CORO2B: variants seen among roughly 807,000 people sequenced by gnomAD.
The protein encoded by CORO2B is coronin 2B, also known as coronin-2B.
In CORO2B, 26 loss-of-function variants were observed where a neutral mutation model predicts 58.8. The ratio of observed to expected loss-of-function variants is 0.44; its 90% CI spans 0.32 to 0.61. The LOEUF is 0.61. CORO2B is among the 20% of genes least tolerant of loss of function. The probability of loss-of-function intolerance (pLI) is 0.04; values close to 1 mark genes in which losing one functional copy is unlikely to be tolerated. For synonymous variants in CORO2B, 242 were observed against 253.8 expected, an observed-to-expected ratio of 0.95 and a Z score of 0.44; for missense variants, 460 against 645.1, an observed-to-expected ratio of 0.71 and a Z score of 3.11.
intron 2 of CORO2B, among the ~76,000 whole-genome samples, chr15:68,685,465 G>A (rs1028068082): frequency 6.6e-6 from 1 of 152,196 alleles, no homozygotes; most frequent in African/African-American, 2.4e-5. Context: ...GCCCACCTTG[G>A]CCTCCCAAAG....
intron 1 of CORO2B, among the ~76,000 whole-genome samples, chr15:68,607,602 G>A (rs1448992310): frequency 6.6e-6 from 1 of 152,112 alleles, no homozygotes; most frequent in Non-Finnish European, 1.5e-5. Flanking sequence ...AGGATCTCTT[G>A]AAGCCAGGAG....
chr15:68,651,092 C>T (rs534630739), intron 2 of CORO2B, among the ~76,000 whole-genome samples: 2 of 152,258 alleles, frequency 1.3e-5, no homozygotes, highest in East Asian at 3.9e-4. Flanking sequence ...TTACTGACTC[C>T]GTGGGAGGGT....
chr15:68,718,938 T>G (rs540880264), intron 9 of CORO2B, 128 bp downstream of exon 9: 2 of 903,710 alleles, frequency 2.2e-6, no homozygotes, highest in East Asian at 2.6e-5. Context: ...CAAACCTAAT[T>G]TGGGGTGAGG....
intron 1 of CORO2B, among the ~76,000 whole-genome samples, chr15:68,643,013 CCATACTGTATTTTT>C (rs949265937): frequency 2.1e-4 from 32 of 152,342 alleles, no homozygotes; most frequent in Admixed American, 2.0e-3. Context: ...CACCAACCAC[CCATACTGTATTTTT>C]CATACTGTAT....
chr15:68,646,603 C>T lies in CORO2B; in HGVS notation c.216+1243C>T, dbSNP rs372798738. Among the ~76,000 whole-genome samples, 12 of 152,274 alleles carry T rather than the reference C, an allele frequency of 7.9e-5. No homozygotes were observed. In the East Asian group the frequency reaches 1.5e-3, roughly 20 times the overall value. On this transcript the variant is annotated intron_variant, in intron 2 of 11. Coordinates refer to ENST00000261861, the MANE Select transcript of CORO2B (RefSeq NM_006091.5). ...GGTCCAAGGAGCATGCACTTGATGGCGGGAGGTCTGGGTTCTGCCCTTGCC... is the reference window on the plus strand; with the variant it reads ...GGTCCAAGGAGCATGCACTTGATGGTGGGAGGTCTGGGTTCTGCCCTTGCC...
chr15:68,574,901 A>G (rs1368523032), upstream of CORO2B, among the ~76,000 whole-genome samples: 2 of 152,206 alleles, frequency 1.3e-5, no homozygotes, highest in Non-Finnish European at 2.9e-5. Flanking sequence ...GAGGCCCAGG[A>G]AAGAGCATGG....
chr15:68,676,940 T>C (rs914331703), intron 2 of CORO2B, among the ~76,000 whole-genome samples: 4 of 152,054 alleles, frequency 2.6e-5, no homozygotes, highest in African/African-American at 9.7e-5. Flanking sequence ...CCTGGCTAAT[T>C]TTTTTTCTTT....
chr15:68,710,999 T>C lies in CORO2B; in HGVS notation c.483+118T>C, dbSNP rs1167255755. The C allele has an allele frequency of 8.7e-7, 1 of 1,149,374 alleles. No individual in the cohort carries two copies. The highest frequency in any genetic ancestry group is 1.2e-6 in the Non-Finnish European group (1 of 845,120). The allele number at this position is 1,149,374 out of a possible 1,614,324, so 71.2% of individuals were successfully genotyped here. The stretch of plus-strand genomic sequence containing the variant: ...AACCAATATGGCCTCATCTGTTCAT[T>C]TGCTTATTCATTCATTCATTCATTC... On this transcript the variant is annotated intron_variant, in intron 4 of 11. Coordinates refer to ENST00000261861, the MANE Select transcript of CORO2B (RefSeq NM_006091.5). This position sits in a 1 kb window ranked among gnomAD's most constrained non-coding sequence, Gnocchi z 4.1.
At chr15:68,721,257 C>T (rs1893153122) in intron 11 of CORO2B, among the ~76,000 whole-genome samples, 1 of 152,102 alleles carries the variant, frequency 6.6e-6, no homozygotes, top group Non-Finnish European at 1.5e-5. Context: ...GGGAGATTGG[C>T]AGGTAACTTG....
At chr15:68,686,035 T>C (rs1455648454) in intron 2 of CORO2B, among the ~76,000 whole-genome samples, 5 of 146,976 alleles carry the variant, frequency 3.4e-5, no homozygotes, top group African/African-American at 9.9e-5. Flanking sequence ...TTTTTTTTTT[T>C]TTCTTTTTTT....
At chr15:68,617,373 C>G (rs1159834414) in intron 1 of CORO2B, among the ~76,000 whole-genome samples, 1 of 152,224 alleles carries the variant, frequency 6.6e-6, no homozygotes, top group East Asian at 1.9e-4. Context: ...TTTAATGTAT[C>G]CTTTGTCCTC....
rs778772455 is a variant in CORO2B, at chr15:68,719,126, C to T, written c.1081-18C>T. ...AGCAGCCCCCCATGTGTCCTCTCTT[C>T]TGCTCCTCCCACTGTAGTCAGATTC... On this transcript the variant is annotated intron_variant, in intron 9 of 11. Coordinates refer to ENST00000261861, the MANE Select transcript of CORO2B (RefSeq NM_006091.5). The T allele has an allele frequency of 2.5e-6, 4 of 1,602,716 alleles. No individual in the cohort carries two copies. Among genetic ancestry groups the T allele is most frequent in the Non-Finnish European group, 2.6e-6 (3 of 1,169,656 alleles).
rs890268825 is a variant in CORO2B at position 68,651,975 on chromosome 15, C to T, written c.216+6615C>T. 1.4e-4 allele frequency among the ~76,000 whole-genome samples: 22 copies of T among 152,224 alleles called. 1 individual carries two copies. The highest frequency in any genetic ancestry group is 2.8e-4 in the Non-Finnish European group (19 of 68,048). On this transcript the variant is annotated intron_variant, in intron 2 of 11. Coordinates refer to ENST00000261861, the MANE Select transcript of CORO2B (RefSeq NM_006091.5). ...GAAGATGCTTTGCCTTTGTACAGCA[C>T]TCTCAAGTTCCAGCAAACTCTATGT... is the stretch of plus-strand genomic sequence containing the variant.
At chr15:68,601,499 A>AT (rs1225350504) in intron 1 of CORO2B, among the ~76,000 whole-genome samples, 2 of 152,186 alleles carry the variant, frequency 1.3e-5, no homozygotes, top group African/African-American at 4.8e-5. Context: ...GATTGCGGCC[A>AT]TGAGCGTGCA....
In CORO2B at chr15:68,626,987, G is replaced by A. The variant is rs138812922; in HGVS notation, c.16-18173G>A. ...GGTAGCTCTGAGCACAGGATGTGTAGCAAGACTCCTGGGTTCAGCTCCCAG... is the reference window on the plus strand; with the variant it reads ...GGTAGCTCTGAGCACAGGATGTGTAACAAGACTCCTGGGTTCAGCTCCCAG... On this transcript the variant is annotated intron_variant, in intron 1 of 11. Coordinates refer to ENST00000261861, the MANE Select transcript of CORO2B (RefSeq NM_006091.5). Among the ~76,000 whole-genome samples, 983 of 152,288 alleles carry A rather than the reference G, an allele frequency of 6.5e-3. 1 individual carries two copies. Among genetic ancestry groups the A allele is most frequent in the South Asian group, 0.023 (109 of 4,814 alleles).
the CORO2B span, among the ~76,000 whole-genome samples, chr15:68,573,526 G>A: frequency 1.3e-5 from 2 of 152,044 alleles, no homozygotes; most frequent in South Asian, 2.1e-4. Flanking sequence ...AAGGGGAAAC[G>A]GGCATCCCTG....
chr15:68,594,804 C>T (rs909119975), intron 1 of CORO2B, among the ~76,000 whole-genome samples: 1 of 152,194 alleles, frequency 6.6e-6, no homozygotes. Context: ...CCCTTTCAAC[C>T]TCTTGCCTCC....
intron 1 of CORO2B, among the ~76,000 whole-genome samples, chr15:68,580,075 C>A (rs924060523): frequency 6.6e-6 from 1 of 152,238 alleles, no homozygotes. Context: ...TATCCCAGAT[C>A]CCCTGGATGA....
intron 1 of CORO2B, among the ~76,000 whole-genome samples, chr15:68,614,277 T>C (rs1378888877): frequency 6.6e-6 from 1 of 152,204 alleles, no homozygotes; most frequent in Non-Finnish European, 1.5e-5. Context: ...TCTATAGAGA[T>C]AGTTGCAAGT....
Sources: allele counts gnomAD v4.1 joint callset (sites outside exome capture counted in the v4.1 genomes callset), GRCh38; gene constraint gnomAD v4.1.1; non-coding constraint Gnocchi (gnomAD v3.1); transcripts MANE v1.5; gene names NCBI Gene and HGNC (gene_info 2026-07-23, HGNC 2026-07-21).